COLEC12: variants seen among roughly 807,000 people sequenced by gnomAD.
COLEC12 encodes the protein collectin-12.
COLEC12 carries 33 observed loss-of-function variants against 71.1 expected under a neutral mutation model. That is an observed-to-expected ratio of 0.46 (90% confidence interval 0.35 to 0.62). The LOEUF is 0.62. COLEC12 is among the 20% of genes least tolerant of loss of function. COLEC12 has a pLI of 0.00. For missense variants in COLEC12, 765 were observed against 916.1 expected (o/e 0.84, Z 2.13); for synonymous variants, 350 against 353.0 (o/e 0.99, Z 0.10).
chr18:495,585 A>C (rs1484427839), intron 1 of COLEC12, among the ~76,000 whole-genome samples: 1 of 152,224 alleles, frequency 6.6e-6, no homozygotes, highest in African/African-American at 2.4e-5. Flanking sequence ...TCCAGTTTAG[A>C]GCGTCTCCTC....
In COLEC12 at chr18:364,654, G is replaced by C. The variant is rs991908504; in HGVS notation, c.59-7132C>G. On this transcript the variant is annotated intron_variant, in intron 2 of 9. Transcript: ENST00000400256. Reference sequence around the variant, plus strand: ...CAGCTCTAGCTTGGGTCATCAATCTGCTGTAGAATTGAGCCAGACACTGAC... The same window carrying C: ...CAGCTCTAGCTTGGGTCATCAATCTCCTGTAGAATTGAGCCAGACACTGAC... Among the ~76,000 whole-genome samples the C allele has an allele frequency of 3.3e-5, 5 of 152,180 alleles. No individual in the cohort carries two copies. The South Asian group carries it at 1.0e-3, about 32-fold the overall frequency.
chr18:374,082 G>T (rs1915061189), intron 2 of COLEC12, among the ~76,000 whole-genome samples: 1 of 152,158 alleles, frequency 6.6e-6, no homozygotes, highest in Admixed American at 6.5e-5. Context: ...AGAATTGGAG[G>T]TATTTCAAAG....
At chr18:415,290 C>T (rs1241089947) in intron 2 of COLEC12, among the ~76,000 whole-genome samples, 2 of 152,186 alleles carry the variant, frequency 1.3e-5, no homozygotes, top group Non-Finnish European at 2.9e-5. Context: ...ACTAGCAAAC[C>T]GCAGAACGAG....
chr18:431,884 A>C (rs143458436), intron 2 of COLEC12, among the ~76,000 whole-genome samples: 1 of 152,208 alleles, frequency 6.6e-6, no homozygotes, highest in Non-Finnish European at 1.5e-5. Context: ...TGTGCTAAGG[A>C]GATTTTATAT....
chr18:434,383 T>C (rs1916364286), intron 2 of COLEC12, among the ~76,000 whole-genome samples: 1 of 152,206 alleles, frequency 6.6e-6, no homozygotes, highest in Admixed American at 6.5e-5. Context: ...TAATGACTGA[T>C]AACAATCCAG....
intron 2 of COLEC12, among the ~76,000 whole-genome samples, chr18:472,510 T>C (rs1377466202): frequency 6.6e-6 from 1 of 151,412 alleles, no homozygotes; most frequent in African/African-American, 2.4e-5. Context: ...GAGACCCCCA[T>C]CTCTACAGAA....
intron 2 of COLEC12, among the ~76,000 whole-genome samples, chr18:431,273 G>T (rs972783847): frequency 1.3e-5 from 2 of 152,100 alleles, no homozygotes. Context: ...AAAGTGCTGG[G>T]ATTACAAGTG....
intron 2 of COLEC12, among the ~76,000 whole-genome samples, chr18:467,313 G>T (rs1230746102): frequency 6.6e-6 from 1 of 152,162 alleles, no homozygotes; most frequent in Non-Finnish European, 1.5e-5. Flanking sequence ...TCTCTTGGAG[G>T]AAGGAAAAAA....
At chr18:395,315 A>G (rs1208088040) in intron 2 of COLEC12, among the ~76,000 whole-genome samples, 1 of 152,132 alleles carries the variant, frequency 6.6e-6, no homozygotes, top group African/African-American at 2.4e-5. Context: ...CATTTAGTTG[A>G]GAGTGTTATG....
In COLEC12 at chr18:361,535, G is replaced by A. The variant is rs114553166; in HGVS notation, c.59-4013C>T. 8.0e-3 allele frequency among the ~76,000 whole-genome samples: 1,211 copies of A among 151,962 alleles called. 20 individuals are homozygous for A. Among genetic ancestry groups the A allele is most frequent in the African/African-American group, 0.028 (1,163 of 41,414 alleles). On this transcript the variant is annotated intron_variant, in intron 2 of 9. Transcript: ENST00000400256. ...TTCAAGAAGGCACTCTTAACTAAAGGATGCGCGCATGAACACACACACCCA... is the reference window on the plus strand; with the variant it reads ...TTCAAGAAGGCACTCTTAACTAAAGAATGCGCGCATGAACACACACACCCA...
chr18:371,594 A>AT (rs1025398053), intron 2 of COLEC12, among the ~76,000 whole-genome samples: 8 of 151,856 alleles, frequency 5.3e-5, no homozygotes, highest in East Asian at 3.9e-4. Context: ...GATAGAAACA[A>AT]TTTTTTTTTA....
chr18:354,465 C>T (rs532597823), intron 3 of COLEC12, among the ~76,000 whole-genome samples: 1 of 152,336 alleles, frequency 6.6e-6, no homozygotes, highest in African/African-American at 2.4e-5. Context: ...GTTTTTACTC[C>T]TTTCCTTTCG....
chr18:425,079 C>G (rs141555565), intron 2 of COLEC12, among the ~76,000 whole-genome samples: 2 of 152,322 alleles, frequency 1.3e-5, no homozygotes, highest in African/African-American at 2.4e-5. Context: ...GAGGCATGAT[C>G]TGTAACCTCT....
rs139016364 is a variant in COLEC12 at position 496,901 on chromosome 18, C to T, written c.7+3607G>A. Among the ~76,000 whole-genome samples, 359 of 152,232 alleles carry T rather than the reference C, an allele frequency of 2.4e-3. 1 individual carries two copies. The highest frequency in any genetic ancestry group is 8.5e-3 in the African/African-American group (354 of 41,524). Reference sequence around the variant, plus strand: ...AGAACCAAGAATGTGATTTAGTTAACGACACACGTAACTCTAGAGGAGTCA... The same window carrying T: ...AGAACCAAGAATGTGATTTAGTTAATGACACACGTAACTCTAGAGGAGTCA... On this transcript the variant is annotated intron_variant, in intron 1 of 9. Transcript: ENST00000400256.
Position 318,322 on chromosome 18 carries a change from C to G in COLEC12, c.*1723G>C, listed in dbSNP as rs1006259037. The G allele has an allele frequency of 6.6e-6, 1 of 151,806 alleles. No individual in the cohort carries two copies. The highest frequency in any genetic ancestry group is 1.5e-5 in the Non-Finnish European group (1 of 67,992). 9.4% of individuals were successfully genotyped at this position (151,806 alleles called of 1,614,324 possible). ...ATTTTATTTGGGATAAGTAGCAGCA[C>G]TGCCTGGGAAGACCCTTGGGAGGGA... On this transcript the variant is annotated 3_prime_UTR_variant, in exon 10 of 10. Coordinates refer to ENST00000400256, the MANE Select transcript of COLEC12 (RefSeq NM_130386.3).
intron 2 of COLEC12, among the ~76,000 whole-genome samples, chr18:444,937 T>C (rs1916616919): frequency 1.3e-5 from 2 of 152,018 alleles, no homozygotes; most frequent in Admixed American, 1.3e-4. Context: ...GCTTGGTTTT[T>C]TACGTTTCAT....
intron 2 of COLEC12, among the ~76,000 whole-genome samples, chr18:381,865 T>C (rs555499746): frequency 2.6e-5 from 4 of 151,718 alleles, no homozygotes; most frequent in African/African-American, 9.6e-5. Flanking sequence ...TCAAGTAAAA[T>C]AAAGCAAGTT....
Position 319,008 on chromosome 18 carries a change from T to C in COLEC12, c.*1037A>G, listed in dbSNP as rs1483055913. ...TAATGTTGGCTCTGTAGGGATCTGA[T>C]GCCAAGTACAGTCATAGCTCAGCCA... On this transcript the variant is annotated 3_prime_UTR_variant, in exon 10 of 10. Coordinates refer to ENST00000400256, the MANE Select transcript of COLEC12 (RefSeq NM_130386.3). 1 of 152,124 alleles carries C rather than the reference T, an allele frequency of 6.6e-6. No homozygotes were observed. Among genetic ancestry groups the C allele is most frequent in the Non-Finnish European group, 1.5e-5 (1 of 68,030 alleles). 9.4% of individuals were successfully genotyped at this position (152,124 alleles called of 1,614,324 possible).
intron 1 of COLEC12, among the ~76,000 whole-genome samples, chr18:499,172 A>G (rs1425383798): frequency 6.6e-6 from 1 of 152,214 alleles, no homozygotes. Context: ...AATGTAAATG[A>G]GGGAAGAGAA....
Sources: allele counts gnomAD v4.1 joint callset (sites outside exome capture counted in the v4.1 genomes callset), GRCh38; gene constraint gnomAD v4.1.1; transcripts MANE v1.5; gene names NCBI Gene and HGNC (gene_info 2026-07-23, HGNC 2026-07-21).